GPD2: variants seen among roughly 807,000 people sequenced by gnomAD.
GPD2 encodes the protein glycerol-3-phosphate dehydrogenase 2, also known as glycerol-3-phosphate dehydrogenase, mitochondrial.
GPD2 carries 54 observed loss-of-function variants against 82.4 expected under a neutral mutation model. The ratio of observed to expected loss-of-function variants is 0.66; its 90% CI spans 0.53 to 0.82. The LOEUF (loss-of-function observed/expected upper bound fraction) is 0.82, where lower values mean the gene tolerates loss of function less well. Among genes scored for constraint, GPD2 ranks in the 40% least tolerant of loss-of-function variants. The pLI, the probability that GPD2 is intolerant of heterozygous loss-of-function variation, is 0.00. For synonymous variants in GPD2, 288 were observed against 306.1 expected (o/e 0.94, Z 0.62); for missense variants, 748 against 896.2 (o/e 0.83, Z 2.11).
chr2:156,407,195 G>A, the GPD2 span, among the ~76,000 whole-genome samples: 1 of 152,304 alleles, frequency 6.6e-6, no homozygotes, highest in Non-Finnish European at 1.5e-5. Context: ...CTCAGCAACA[G>A]ATCCCAGGTT....
intron 16 of GPD2, among the ~76,000 whole-genome samples, chr2:156,581,909 G>T (rs538864845): frequency 1.3e-4 from 20 of 151,928 alleles, no homozygotes; most frequent in Admixed American, 4.6e-4. Context: ...AATATTTTGA[G>T]AATTTACATA....
intron 2 of GPD2, among the ~76,000 whole-genome samples, chr2:156,484,550 T>C (rs1001440090): frequency 6.6e-6 from 1 of 152,120 alleles, no homozygotes; most frequent in Admixed American, 6.5e-5. Flanking sequence ...AAAAATTCTT[T>C]CCTTGATGGC....
intron 3 of GPD2, among the ~76,000 whole-genome samples, chr2:156,509,705 G>T (rs1410068107): frequency 6.6e-6 from 1 of 151,064 alleles, no homozygotes. Flanking sequence ...AAGGGGGCAT[G>T]GGCAACTTCT....
intron 13 of GPD2, among the ~76,000 whole-genome samples, chr2:156,576,125 A>G (rs535974570): frequency 3.9e-5 from 6 of 152,346 alleles, no homozygotes; most frequent in African/African-American, 1.4e-4. Flanking sequence ...ACATGTGAAA[A>G]AGAAATATGG....
At chr2:156,477,162 G>A (rs1683543001) in intron 2 of GPD2, among the ~76,000 whole-genome samples, 1 of 152,192 alleles carries the variant, frequency 6.6e-6, no homozygotes, top group African/African-American at 2.4e-5. Context: ...CAGGTTCACT[G>A]ACTCAAACCT....
intron 13 of GPD2, among the ~76,000 whole-genome samples, chr2:156,575,955 T>C (rs1687807438): frequency 6.6e-6 from 1 of 152,154 alleles, no homozygotes; most frequent in Non-Finnish European, 1.5e-5. Flanking sequence ...GATGTACCAA[T>C]AACAAGATAC....
Position 156,582,484 on chromosome 2 carries a change from T to TAAA in GPD2, c.2059-295_2059-293dup, listed in dbSNP as rs5835627. Among the ~76,000 whole-genome samples the TAAA allele has an allele frequency of 1.8e-3, 250 of 136,554 alleles. 4 individuals are homozygous for TAAA. Among genetic ancestry groups the TAAA allele is most frequent in the East Asian group, 5.4e-3 (26 of 4,784 alleles). 89.6% of individuals were successfully genotyped at this position (136,554 alleles called of 152,430 possible). Reference sequence around the variant, plus strand: ...TTAAAGATCCAATATTTGAAGTTGCTAAAAAAAAAAAAAAAAGTGCCTTGA... The same window carrying TAAA: ...TTAAAGATCCAATATTTGAAGTTGCTAAAAAAAAAAAAAAAAAAAGTGCCTTGA... On this transcript the variant is annotated intron_variant, in intron 16 of 16. Coordinates refer to ENST00000438166, the MANE Select transcript of GPD2 (RefSeq NM_000408.5).
intron 1 of GPD2, among the ~76,000 whole-genome samples, chr2:156,446,387 C>T (rs150254793): frequency 1.3e-3 from 198 of 152,218 alleles, no homozygotes; most frequent in African/African-American, 4.6e-3. Flanking sequence ...TGAGCCACTG[C>T]GCCTGGCCTT....
chr2:156,410,218 G>A, the GPD2 span, among the ~76,000 whole-genome samples: 1 of 152,174 alleles, frequency 6.6e-6, no homozygotes, highest in Non-Finnish European at 1.5e-5. Flanking sequence ...TGAATACTCA[G>A]TCATCATGCT....
intron 9 of GPD2, among the ~76,000 whole-genome samples, chr2:156,561,641 T>C (rs1366607003): frequency 6.6e-6 from 1 of 152,204 alleles, no homozygotes; most frequent in African/African-American, 2.4e-5. Flanking sequence ...CAGTCTTCTT[T>C]ACAGATTTAA....
the GPD2 span, among the ~76,000 whole-genome samples, chr2:156,429,387 T>C: frequency 6.6e-6 from 1 of 152,250 alleles, no homozygotes; most frequent in African/African-American, 2.4e-5. Context: ...TTACCCACAC[T>C]TTCCTGCTGT....
chr2:156,569,263 A>G lies in GPD2; in HGVS notation c.1301-100A>G, dbSNP rs1407748018. On this transcript the variant is annotated intron_variant, in intron 10 of 16. Coordinates refer to ENST00000438166, the MANE Select transcript of GPD2 (RefSeq NM_000408.5). ...TTTACACAATCCCATGTTTGTTACA[A>G]ACAACAGGAAAATTTTGTTATTGGT... 3.7e-5 allele frequency: 31 copies of G among 828,790 alleles called. 1 individual carries two copies. In the East Asian group the frequency reaches 7.7e-4, roughly 21 times the overall value. 51.3% of individuals were successfully genotyped at this position (828,790 alleles called of 1,614,324 possible). A position where few individuals can be genotyped will look rare whatever the true frequency, so the allele number is the denominator to read the frequency against.
chr2:156,575,730 A>G (rs746547815), intron 13 of GPD2, among the ~76,000 whole-genome samples: 1 of 152,084 alleles, frequency 6.6e-6, no homozygotes, highest in Non-Finnish European at 1.5e-5. Context: ...AGATAGAGCA[A>G]GCAGATGGCT....
chr2:156,576,487 G>A (rs772188175), intron 13 of GPD2, among the ~76,000 whole-genome samples: 1 of 151,446 alleles, frequency 6.6e-6, no homozygotes, highest in Non-Finnish European at 1.5e-5. Flanking sequence ...AAAACATTAG[G>A]TTTGTTCTAC....
chr2:156,425,497 C>G, the GPD2 span, among the ~76,000 whole-genome samples: 1 of 152,152 alleles, frequency 6.6e-6, no homozygotes, highest in Non-Finnish European at 1.5e-5. Context: ...TCTTCTGTGA[C>G]AGTGTTGTTG....
At chr2:156,451,078 C>T (rs911230894) in intron 1 of GPD2, among the ~76,000 whole-genome samples, 13 of 147,472 alleles carry the variant, frequency 8.8e-5, no homozygotes, top group South Asian at 6.7e-4. Context: ...TACACAGACA[C>T]GGCAACCATC....
chr2:156,484,573 C>T (rs549598081), intron 2 of GPD2, among the ~76,000 whole-genome samples: 3 of 152,226 alleles, frequency 2.0e-5, no homozygotes, highest in African/African-American at 2.4e-5. Context: ...GTTGAGGTGG[C>T]TCATGCCTGT....
chr2:156,530,486 A>G (rs1685807962), intron 6 of GPD2, among the ~76,000 whole-genome samples: 1 of 150,752 alleles, frequency 6.6e-6, no homozygotes, highest in East Asian at 2.0e-4. Context: ...GAGTGGTGAG[A>G]GAGGGCATCC....
At chr2:156,491,116 C>G (rs1015927961) in intron 2 of GPD2, among the ~76,000 whole-genome samples, 1 of 152,202 alleles carries the variant, frequency 6.6e-6, no homozygotes, top group African/African-American at 2.4e-5. Flanking sequence ...TACCCCCATT[C>G]CCAGACCCTG....
Sources: allele counts gnomAD v4.1 joint callset (sites outside exome capture counted in the v4.1 genomes callset), GRCh38; gene constraint gnomAD v4.1.1; transcripts MANE v1.5; gene names NCBI Gene and HGNC (gene_info 2026-07-23, HGNC 2026-07-21).